CHST8: variants seen among roughly 807,000 people sequenced by gnomAD.
The protein encoded by CHST8 is carbohydrate sulfotransferase 8.
A neutral mutation model predicts 15.0 loss-of-function variants in CHST8; 10 were observed. The ratio of observed to expected loss-of-function variants is 0.67; its 90% confidence interval spans 0.41 to 1.13. CHST8 has a LOEUF of 1.13. Among genes scored for constraint, CHST8 ranks in the 50% most tolerant of loss-of-function variants. The pLI, the probability that CHST8 is intolerant of heterozygous loss-of-function variation, is 0.00. For synonymous variants in CHST8, 259 were observed against 256.6 expected (o/e 1.01, Z -0.09); for missense variants, 634 against 608.2 (o/e 1.04, Z -0.45).
chr19:33,757,452 A>AG (rs1974586162), intron 3 of CHST8, among the ~76,000 whole-genome samples: 1 of 33,328 alleles, frequency 3.0e-5, no homozygotes, highest in Admixed American at 3.1e-4. Context: ...GAAAGAAAGA[A>AG]AGAAAGAAAG....
At chr19:33,763,543 G>T (rs1274411727) in intron 3 of CHST8, among the ~76,000 whole-genome samples, 2 of 152,212 alleles carry the variant, frequency 1.3e-5, no homozygotes, top group African/African-American at 4.8e-5. Context: ...AGGGCAGCAG[G>T]TGGCCGTGAC....
chr19:33,764,319 C>T (rs547198915), intron 3 of CHST8, among the ~76,000 whole-genome samples: 35 of 152,214 alleles, frequency 2.3e-4, no homozygotes, highest in African/African-American at 8.4e-4. Flanking sequence ...TCTTCACCTC[C>T]TTCAGGCTAT....
intron 2 of CHST8, among the ~76,000 whole-genome samples, chr19:33,671,603 G>A (rs550019085): frequency 7.9e-5 from 12 of 151,974 alleles, no homozygotes; most frequent in Non-Finnish European, 1.8e-4. Context: ...TCACCCCAGG[G>A]CCCTTGCACA....
At chr19:33,725,002 G>A (rs1302106015) in intron 3 of CHST8, among the ~76,000 whole-genome samples, 1 of 152,150 alleles carries the variant, frequency 6.6e-6, no homozygotes, top group Non-Finnish European at 1.5e-5. Flanking sequence ...GCTCCCGGGA[G>A]CCATCGGCAG....
chr19:33,720,622 C>T (rs968771892), intron 3 of CHST8, among the ~76,000 whole-genome samples: 1 of 152,226 alleles, frequency 6.6e-6, no homozygotes, highest in Non-Finnish European at 1.5e-5. Context: ...GAGGGGCAGC[C>T]CTTTTCTTCC....
chr19:33,624,405 G>T (rs562298489), intron 1 of CHST8, among the ~76,000 whole-genome samples: 1 of 152,308 alleles, frequency 6.6e-6, no homozygotes, highest in African/African-American at 2.4e-5. Context: ...TCAGCCTGCT[G>T]TTAGAGATGC....
chr19:33,694,164 TTATTCATATATATATA>T (rs1973158194), intron 3 of CHST8, among the ~76,000 whole-genome samples: 1 of 74,556 alleles, frequency 1.3e-5, no homozygotes, highest in Admixed American at 1.5e-4. Flanking sequence ...CTATTGTAGT[TTATTCATATATATATA>T]TATATATATA....
At chr19:33,659,810 A>G (rs1972562508) in intron 1 of CHST8, among the ~76,000 whole-genome samples, 2 of 150,504 alleles carry the variant, frequency 1.3e-5, no homozygotes, top group African/African-American at 2.4e-5. Context: ...GACCCTGTTT[A>G]AAAAAAAAAT....
At chr19:33,771,350 C>A in intron 3 of CHST8, 63 bp from the exon 4 acceptor site, 2 of 1,523,512 alleles carry the variant, frequency 1.3e-6, no homozygotes, top group Non-Finnish European at 9.1e-7. Flanking sequence ...AGCCCATAAG[C>A]AGTTCCCTGG....
intron 3 of CHST8, among the ~76,000 whole-genome samples, chr19:33,722,775 A>T (rs1040889992): frequency 6.6e-6 from 1 of 152,122 alleles, no homozygotes; most frequent in African/African-American, 2.4e-5. Flanking sequence ...AGCCACCCCC[A>T]GTTCCCCACC....
intron 3 of CHST8, among the ~76,000 whole-genome samples, chr19:33,750,209 G>C (rs370788522): frequency 6.6e-6 from 1 of 152,220 alleles, no homozygotes; most frequent in South Asian, 2.1e-4. Context: ...AGTTAAGCAG[G>C]GTCAGCAGGG....
intron 1 of CHST8, among the ~76,000 whole-genome samples, chr19:33,646,777 G>T (rs1972360909): frequency 6.6e-6 from 1 of 152,148 alleles, no homozygotes; most frequent in Non-Finnish European, 1.5e-5. Context: ...AGCCAGACAT[G>T]GTGGCGTACA....
chr19:33,731,139 T>G (rs1226313729), intron 3 of CHST8, among the ~76,000 whole-genome samples: 3 of 152,204 alleles, frequency 2.0e-5, no homozygotes, highest in Non-Finnish European at 4.4e-5. Context: ...TTTGCATCCT[T>G]CAATCCAATC....
At chr19:33,674,427 G>T (rs979640988) in intron 2 of CHST8, among the ~76,000 whole-genome samples, 1 of 152,158 alleles carries the variant, frequency 6.6e-6, no homozygotes, top group Non-Finnish European at 1.5e-5. Context: ...TTTTAATTAC[G>T]GCTCCCATGC....
intron 3 of CHST8, among the ~76,000 whole-genome samples, chr19:33,727,223 C>T (rs1046658641): frequency 6.6e-6 from 1 of 152,082 alleles, no homozygotes; most frequent in African/African-American, 2.4e-5. Context: ...AGGGGAAAAA[C>T]TTGGTACCTT....
intron 3 of CHST8, among the ~76,000 whole-genome samples, chr19:33,760,493 A>T (rs1022457134): frequency 4.0e-5 from 6 of 148,164 alleles, no homozygotes; most frequent in African/African-American, 1.2e-4. Context: ...TAATTTTTTC[A>T]TTTTTTTTTA....
chr19:33,748,731 C>T (rs568490396), intron 3 of CHST8, among the ~76,000 whole-genome samples: 3 of 152,172 alleles, frequency 2.0e-5, no homozygotes, highest in Non-Finnish European at 2.9e-5. Context: ...GATAGTGAAA[C>T]TGAGGCTGCA....
At chr19:33,743,123 T>C (rs961733249) in intron 3 of CHST8, among the ~76,000 whole-genome samples, 3 of 152,074 alleles carry the variant, frequency 2.0e-5, no homozygotes, top group African/African-American at 7.2e-5. Context: ...ACACAACATA[T>C]GCCCCCTGAT....
In CHST8 at chr19:33,678,731, C is replaced by A. The variant is rs1168609461; in HGVS notation, c.-86-10445C>A. The stretch of plus-strand genomic sequence containing the variant: ...TCCAGCCTGGGTAATAGAGTGACAC[C>A]CTGTCTCTAAGAAAATAAAAATAAA... On this transcript the variant is annotated intron_variant, in intron 2 of 4. Transcript: ENST00000650847. Among the ~76,000 whole-genome samples the A allele has an allele frequency of 2.0e-5, 3 of 151,944 alleles. No homozygotes were observed. The East Asian group carries it at 5.8e-4, about 29-fold the overall frequency.
Sources: gnomAD v4.1 joint callset for allele counts (sites outside exome capture counted in the v4.1 genomes callset) on GRCh38, gnomAD v4.1.1 for gene constraint, MANE v1.5 for transcripts, NCBI Gene and HGNC (gene_info 2026-07-23, HGNC 2026-07-21) for gene names.